RNF144B: variants seen among roughly 807,000 people sequenced by gnomAD.
RNF144B encodes the protein ring finger protein 144B.
Under a neutral mutation model 40.2 loss-of-function variants are expected in RNF144B, and 25 were observed. The ratio of observed to expected loss-of-function variants is 0.62; its 90% CI spans 0.45 to 0.87. The LOEUF (loss-of-function observed/expected upper bound fraction) is 0.87. Among genes scored for constraint, RNF144B ranks in the 40% least tolerant of loss-of-function variants. RNF144B has a pLI of 0.00. For missense variants in RNF144B, 365 were observed against 373.7 expected (o/e 0.98, Z 0.19); for synonymous variants, 145 against 136.3 (o/e 1.06, Z -0.44).
intron 2 of RNF144B, among the ~76,000 whole-genome samples, chr6:18,409,738 T>G (rs1794996918): frequency 6.6e-6 from 1 of 151,694 alleles, no homozygotes; most frequent in South Asian, 2.1e-4. Flanking sequence ...GCTGGCTAAT[T>G]TTTGTATTTT....
chr6:18,430,077 A>G (rs951553590), intron 3 of RNF144B, among the ~76,000 whole-genome samples: 1 of 149,122 alleles, frequency 6.7e-6, no homozygotes, highest in Non-Finnish European at 1.5e-5. Context: ...TTTCAAAAAA[A>G]GTCCATGACA....
Position 18,464,340 on chromosome 6 carries a change from G to A in RNF144B, c.772-587G>A, listed in dbSNP as rs776765169. 6.6e-5 allele frequency among the ~76,000 whole-genome samples: 10 copies of A among 152,126 alleles called. No individual in the cohort carries two copies. Among genetic ancestry groups the A allele is most frequent in the African/African-American group, 1.7e-4 (7 of 41,434 alleles). ...TAATTCATGACTATACTGAGCTTGC[G>A]ACAGCTTGAGTTAGCATTTGGATGG... On this transcript the variant is annotated intron_variant, in intron 7 of 7. Coordinates refer to ENST00000259939, the MANE Select transcript of RNF144B (RefSeq NM_182757.4). The surrounding 1 kb of genome is among the most constrained non-coding windows in gnomAD (Gnocchi z 6.1).
rs148882279 is a variant in RNF144B, at chr6:18,422,915, C to CCACT, written c.166-4665_166-4662dup. Among the ~76,000 whole-genome samples, 312 of 151,048 alleles carry CCACT rather than the reference C, an allele frequency of 2.1e-3. 2 individuals are homozygous for CCACT. Among genetic ancestry groups the CCACT allele is most frequent in the Middle Eastern group, 0.017 (5 of 292 alleles). On this transcript the variant is annotated intron_variant, in intron 2 of 7. Coordinates refer to ENST00000259939, the MANE Select transcript of RNF144B (RefSeq NM_182757.4). This position sits in a 1 kb window ranked among gnomAD's most constrained non-coding sequence, Gnocchi z 4.7. Reference sequence around the variant, plus strand: ...AGGTTTGCAATGAGCCATAATTGTGCCACTGCACCCTGGGCAACAGAGCAA... The same window carrying CCACT: ...AGGTTTGCAATGAGCCATAATTGTGCCACTCACTGCACCCTGGGCAACAGAGCAA...
In RNF144B at chr6:18,465,759, T is replaced by C. The variant is rs1759560725; in HGVS notation, c.*692T>C. On this transcript the variant is annotated 3_prime_UTR_variant, in exon 8 of 8. Transcript: ENST00000259939. ...AGTTGCAGCCTGTTAAACAATGTGG[T>C]CTAATTTAGTGTCTCTCCCTTGGCA... 6.6e-6 allele frequency: 1 copy of C among 152,340 alleles called. No individual in the cohort carries two copies. The highest frequency in any genetic ancestry group is 1.9e-4 in the East Asian group (1 of 5,174). 9.4% of individuals were successfully genotyped at this position (152,340 alleles called of 1,614,324 possible). A position where few individuals can be genotyped will look rare whatever the true frequency, so the allele number is the denominator to read the frequency against.
chr6:18,387,831 A>T (rs2113445864), intron 1 of RNF144B, among the ~76,000 whole-genome samples: 1 of 152,368 alleles, frequency 6.6e-6, no homozygotes, highest in African/African-American at 2.4e-5. Flanking sequence ...CCTTTGTTAA[A>T]GGAAAGTAGT....
At chr6:18,421,881 C>G (rs1181090238) in intron 2 of RNF144B, among the ~76,000 whole-genome samples, 2 of 152,000 alleles carry the variant, frequency 1.3e-5, no homozygotes, top group Non-Finnish European at 2.9e-5. Context: ...ACTGTCAAAC[C>G]AAGGTCTCTT....
intron 3 of RNF144B, among the ~76,000 whole-genome samples, chr6:18,428,067 G>T (rs1308433626): frequency 6.6e-6 from 1 of 152,110 alleles, no homozygotes; most frequent in Non-Finnish European, 1.5e-5. Flanking sequence ...TGAATCATGG[G>T]GGCGGTTCCC....
chr6:18,387,538 TC>T lies in RNF144B; in HGVS notation c.-127del, dbSNP rs1356122259. On this transcript the variant is annotated 5_prime_UTR_variant, in exon 1 of 8. The change abolishes the stop of an existing upstream ORF in the 5' untranslated region. Transcript: ENST00000259939. The stretch of plus-strand genomic sequence containing the variant: ...GGAAAGACGGAGAGAATGGAAGAGC[TC>T]CTGTCCGGTGTGCCAGCAGCCCGGA... 7.6e-6 allele frequency: 6 copies of T among 786,954 alleles called. No homozygotes were observed. The Admixed American group carries it at 1.3e-4, about 17-fold the overall frequency. The allele number at this position is 786,954 out of a possible 1,614,324, so 48.7% of individuals were successfully genotyped here.
chr6:18,449,105 C>T (rs1317795856), intron 4 of RNF144B, among the ~76,000 whole-genome samples: 1 of 152,200 alleles, frequency 6.6e-6, no homozygotes, highest in South Asian at 2.1e-4. Context: ...ATAACCCTAG[C>T]TGGGTTCAGT....
Position 18,400,494 on chromosome 6 carries a change from T to G in RNF144B, c.165+795T>G, listed in dbSNP as rs1304625382. 6.6e-6 allele frequency among the ~76,000 whole-genome samples: 1 copy of G among 152,188 alleles called. No individual in the cohort carries two copies. The highest frequency in any genetic ancestry group is 6.6e-5 in the Admixed American group (1 of 15,266). On this transcript the variant is annotated intron_variant, in intron 2 of 7. Transcript: ENST00000259939. The surrounding 1 kb of genome is among the most constrained non-coding windows in gnomAD (Gnocchi z 5.6). Reference sequence around the variant, plus strand: ...GTATGCTGAATCCTTCTTATTCCACTTAATGAGAGCCCTATAGACCTGCAG... The same window carrying G: ...GTATGCTGAATCCTTCTTATTCCACGTAATGAGAGCCCTATAGACCTGCAG...
At chr6:18,438,047 G>A (rs552073227) in intron 3 of RNF144B, among the ~76,000 whole-genome samples, 8 of 152,154 alleles carry the variant, frequency 5.3e-5, no homozygotes, top group Non-Finnish European at 1.2e-4. Context: ...ATATTATTGA[G>A]GTCTCTTGGG....
intron 2 of RNF144B, among the ~76,000 whole-genome samples, chr6:18,403,079 A>G (rs1231438308): frequency 6.6e-6 from 1 of 152,232 alleles, no homozygotes; most frequent in African/African-American, 2.4e-5. Flanking sequence ...TCTGTTTATG[A>G]CATGCAAAGA....
At chr6:18,396,986 G>T (rs79462351) in intron 1 of RNF144B, among the ~76,000 whole-genome samples, 1 of 152,090 alleles carries the variant, frequency 6.6e-6, no homozygotes, top group Non-Finnish European at 1.5e-5. Flanking sequence ...ACTTTATCCG[G>T]CATTTGCTGA....
chr6:18,397,044 C>A (rs1232057163), intron 1 of RNF144B, among the ~76,000 whole-genome samples: 1 of 152,110 alleles, frequency 6.6e-6, no homozygotes, highest in Non-Finnish European at 1.5e-5. Flanking sequence ...AGTTAGCTTC[C>A]TATTTAATTA....
At chr6:18,435,736 GC>G (rs1432264995) in intron 3 of RNF144B, among the ~76,000 whole-genome samples, 2 of 151,966 alleles carry the variant, frequency 1.3e-5, no homozygotes, top group Non-Finnish European at 2.9e-5. Flanking sequence ...CATGGATGAA[GC>G]TGGAAACCAT....
In RNF144B at chr6:18,467,395, C is replaced by CTTTTTTTTTTTTTTTTTTT. The variant is rs1185836741; in HGVS notation, c.*2332_*2333insTTTTTTTTTTTTTTTTTTT. On this transcript the variant is annotated 3_prime_UTR_variant, in exon 8 of 8. Coordinates refer to ENST00000259939, the MANE Select transcript of RNF144B (RefSeq NM_182757.4). ...AGAGTTTGTATCACTGAATTAGCTG[C>CTTTTTTTTTTTTTTTTTTT]TTTTGTTTTTTTTTTTTTTTTTTTG... 1 of 29,226 alleles carries CTTTTTTTTTTTTTTTTTTT rather than the reference C, an allele frequency of 3.4e-5. No individual in the cohort carries two copies. The highest frequency in any genetic ancestry group is 4.1e-4 in the Admixed American group (1 of 2,468). 1.8% of individuals were successfully genotyped at this position (29,226 alleles called of 1,614,324 possible).
chr6:18,465,901 T>C lies in RNF144B; in HGVS notation c.*834T>C, dbSNP rs779191754. ...AGAGTTTCAAAACTTTCGTCATAGA[T>C]ATCTGGGACCTTTCTCAGGATCTGT... On this transcript the variant is annotated 3_prime_UTR_variant, in exon 8 of 8. Transcript: ENST00000259939. 2 of 152,246 alleles carry C rather than the reference T, an allele frequency of 1.3e-5. No individual in the cohort carries two copies. Among genetic ancestry groups the C allele is most frequent in the Non-Finnish European group, 2.9e-5 (2 of 68,054 alleles). 9.4% of individuals were successfully genotyped at this position (152,246 alleles called of 1,614,324 possible).
Position 18,446,927 on chromosome 6 carries a change from A to G in RNF144B, c.331+7183A>G, listed in dbSNP as rs947674699. On this transcript the variant is annotated intron_variant, in intron 4 of 7. Coordinates refer to ENST00000259939, the MANE Select transcript of RNF144B (RefSeq NM_182757.4). This position sits in a 1 kb window ranked among gnomAD's most constrained non-coding sequence, Gnocchi z 4.7. ...TCAACAAATATGTCAGGACATCTCC[A>G]TGACGGTAAATTATCCAATCCAAAT... Among the ~76,000 whole-genome samples, 1 of 151,734 alleles carries G rather than the reference A, an allele frequency of 6.6e-6. No individual in the cohort carries two copies. The highest frequency in any genetic ancestry group is 2.4e-5 in the African/African-American group (1 of 41,220).
chr6:18,409,321 T>G (rs1175595485), intron 2 of RNF144B, among the ~76,000 whole-genome samples: 1 of 128,068 alleles, frequency 7.8e-6, no homozygotes, highest in African/African-American at 3.0e-5. Flanking sequence ...GAGGTTGCAG[T>G]GAGCTGAGAT....
Sources: allele counts gnomAD v4.1 joint callset (sites outside exome capture counted in the v4.1 genomes callset), GRCh38; gene constraint gnomAD v4.1.1; non-coding constraint Gnocchi (gnomAD v3.1); transcripts MANE v1.5; gene names NCBI Gene and HGNC (gene_info 2026-07-23, HGNC 2026-07-21).